The following CNTN3 variants were observed in gnomAD, a reference collection of about 807,000 sequenced individuals.
CNTN3 encodes contactin-3.
CNTN3 carries 60 observed loss-of-function variants against 119.1 expected under a neutral mutation model. The ratio of observed to expected loss-of-function variants is 0.50; its 90% CI spans 0.41 to 0.62. The LOEUF is 0.62. Ranked by LOEUF, CNTN3 falls within the 20% of genes least tolerant of loss-of-function variation. The probability of loss-of-function intolerance (pLI) is 0.00; values close to 1 mark genes in which losing one functional copy is unlikely to be tolerated. For missense variants in CNTN3, 1,101 were observed against 1,242.4 expected, an observed-to-expected ratio of 0.89 and a Z score of 1.71; for synonymous variants, 450 against 438.7, an observed-to-expected ratio of 1.03 and a Z score of -0.32.
rs1488138215 is a variant in CNTN3 at position 74,285,429 on chromosome 3, A to G, written c.2580T>C (p.Asn860=). Residue 860 remains asparagine (N), a synonymous_variant, in exon 20 of 23, where the codon AAT becomes AAC. Transcript: ENST00000263665. ...GGCCCCGTAGTCTGGCTGATGTCTCATTTCCTGCCACTTTCATCTTACTGG... is the reference window on the plus strand; with the variant it reads ...GGCCCCGTAGTCTGGCTGATGTCTCGTTTCCTGCCACTTTCATCTTACTGG... ...ESSSKMKVAG[N]ETSARLRGLK... The G allele has an allele frequency of 5.0e-6, 8 of 1,613,034 alleles. No homozygotes were observed. The African/African-American group carries it at 1.1e-4, about 22-fold the overall frequency.
chr3:74,491,581 T>A (rs1298045969), intron 3 of CNTN3, among the ~76,000 whole-genome samples: 1 of 152,156 alleles, frequency 6.6e-6, no homozygotes, highest in African/African-American at 2.4e-5. Context: ...ACAAAGTATG[T>A]GTCCAATAAA....
chr3:74,558,558 G>T (rs1704104653), intron 1 of CNTN3, among the ~76,000 whole-genome samples: 1 of 152,168 alleles, frequency 6.6e-6, no homozygotes, highest in Non-Finnish European at 1.5e-5. Flanking sequence ...CATAGAGATG[G>T]TCTGCATAGT....
chr3:74,585,869 T>C (rs1003000174), intron 1 of CNTN3, among the ~76,000 whole-genome samples: 4 of 152,286 alleles, frequency 2.6e-5, no homozygotes, highest in East Asian at 1.9e-4. Flanking sequence ...GTTTTCTTAC[T>C]GTCAAAATGA....
At chr3:74,537,422 T>G (rs1471691216) in intron 1 of CNTN3, among the ~76,000 whole-genome samples, 2 of 152,070 alleles carry the variant, frequency 1.3e-5, no homozygotes, top group Non-Finnish European at 2.9e-5. Context: ...GGCCCAGAAT[T>G]TGTATTTTTA....
chr3:74,420,730 G>C (rs1400274145), intron 5 of CNTN3, among the ~76,000 whole-genome samples: 1 of 152,206 alleles, frequency 6.6e-6, no homozygotes, highest in Admixed American at 6.5e-5. Context: ...TGCTGGTTTA[G>C]AGCATGCCAT....
intron 11 of CNTN3, among the ~76,000 whole-genome samples, chr3:74,338,959 T>G (rs979107213): frequency 6.6e-6 from 1 of 152,028 alleles, no homozygotes; most frequent in African/African-American, 2.4e-5. Context: ...TTTTGTTGAG[T>G]GTGAAATGCC....
chr3:74,479,285 G>A (rs1220818499), intron 4 of CNTN3, among the ~76,000 whole-genome samples: 26 of 151,970 alleles, frequency 1.7e-4, no homozygotes, highest in Admixed American at 1.7e-3. Context: ...AACAAATCAA[G>A]TCATTGTGGA....
intron 4 of CNTN3, among the ~76,000 whole-genome samples, chr3:74,463,925 T>C (rs1215251608): frequency 6.6e-6 from 1 of 152,126 alleles, no homozygotes; most frequent in East Asian, 1.9e-4. Flanking sequence ...TATGTATCTG[T>C]TTTTACTGTT....
intron 1 of CNTN3, among the ~76,000 whole-genome samples, chr3:74,571,408 G>A (rs1316080938): frequency 6.6e-6 from 1 of 152,128 alleles, no homozygotes; most frequent in African/African-American, 2.4e-5. Flanking sequence ...ACATGAAGGA[G>A]ATTAGCTTAG....
At chr3:74,302,904 A>T in intron 13 of CNTN3, 97 bp from the exon 14 acceptor site, 1 of 735,710 alleles carries the variant, frequency 1.4e-6, no homozygotes, top group Non-Finnish European at 2.3e-6. Context: ...TGCAATGAAA[A>T]CTATATTTAG....
chr3:74,376,487 G>A lies in CNTN3; in HGVS notation c.455-5088C>T, dbSNP rs1011390556. Reference sequence around the variant, plus strand: ...GGGATCTAGGTTGTGTGCTCCTTATGAAAATCTAATGCCTGCTGATCTGTC... The same window carrying A: ...GGGATCTAGGTTGTGTGCTCCTTATAAAAATCTAATGCCTGCTGATCTGTC... On this transcript the variant is annotated intron_variant, in intron 5 of 22. Transcript: ENST00000263665. Among the ~76,000 whole-genome samples, 7 of 152,250 alleles carry A rather than the reference G, an allele frequency of 4.6e-5. No individual in the cohort carries two copies. The South Asian group carries it at 6.2e-4, about 14-fold the overall frequency.
chr3:74,532,906 A>G (rs1174173732), intron 1 of CNTN3, among the ~76,000 whole-genome samples: 1 of 152,096 alleles, frequency 6.6e-6, no homozygotes, highest in Admixed American at 6.5e-5. Flanking sequence ...GAGTCTTCTC[A>G]GGATTAACTT....
Position 74,327,863 on chromosome 3 carries a change from C to T in CNTN3, c.1668+6872G>A, listed in dbSNP as rs1016204429. Among the ~76,000 whole-genome samples, 57 of 151,522 alleles carry T rather than the reference C, an allele frequency of 3.8e-4. 1 individual carries two copies. The highest frequency in any genetic ancestry group is 1.4e-3 in the African/African-American group (56 of 41,374). Reference sequence around the variant, plus strand: ...TTTAACTAGAATTTCATACATATGACCTGAATATGGAATCTTTTGTGTTTT... The same window carrying T: ...TTTAACTAGAATTTCATACATATGATCTGAATATGGAATCTTTTGTGTTTT... On this transcript the variant is annotated intron_variant, in intron 13 of 22. Coordinates refer to ENST00000263665, the MANE Select transcript of CNTN3 (RefSeq NM_020872.3).
chr3:74,461,553 G>T (rs1270913082), intron 4 of CNTN3, among the ~76,000 whole-genome samples: 1 of 151,886 alleles, frequency 6.6e-6, no homozygotes, highest in Non-Finnish European at 1.5e-5. Flanking sequence ...ATCTAAATTT[G>T]GATGTCCTTC....
intron 5 of CNTN3, among the ~76,000 whole-genome samples, chr3:74,374,063 G>A (rs1704409723): frequency 6.6e-6 from 1 of 152,104 alleles, no homozygotes; most frequent in Admixed American, 6.6e-5. Flanking sequence ...CTGAATGGAG[G>A]TGCTAATGCT....
intron 2 of CNTN3, among the ~76,000 whole-genome samples, chr3:74,505,502 T>TACACACACACAC (rs139877872): frequency 2.0e-5 from 3 of 146,550 alleles, no homozygotes; most frequent in Admixed American, 6.9e-5. Context: ...TGTGCATAAA[T>TACACACACACAC]ACACACACAC....
In CNTN3 at chr3:74,371,204, C is replaced by T. The variant is rs760786514; in HGVS notation, c.650G>A (p.Arg217His). The change falls in exon 6 of 23, where the codon CGT (arginine) becomes CAT (histidine). Residue 217 changes from arginine (R) to histidine (H), a missense_variant. Arg to His is a conservative substitution (Grantham distance 29). Coordinates refer to ENST00000263665, the MANE Select transcript of CNTN3 (RefSeq NM_020872.3). ...VLGSPTPLVL[R>H]SDGVMGEYEP... ...TGGAGAAGTTTCATTACCATCAGAA[C>T]GTAGCACCAAAGGAGTTGGAGAGCC... 1.7e-5 allele frequency: 27 copies of T among 1,612,354 alleles called. No individual in the cohort carries two copies. The highest frequency in any genetic ancestry group is 2.7e-5 in the African/African-American group (2 of 74,838).
At chr3:74,546,906 A>G (rs1298600887) in intron 1 of CNTN3, among the ~76,000 whole-genome samples, 1 of 152,148 alleles carries the variant, frequency 6.6e-6, no homozygotes, top group Non-Finnish European at 1.5e-5. Context: ...GCATTCAAAT[A>G]ATTTCAAGTT....
At chr3:74,353,425 AG>A (rs1215238542) in intron 11 of CNTN3, among the ~76,000 whole-genome samples, 2 of 152,220 alleles carry the variant, frequency 1.3e-5, no homozygotes, top group East Asian at 3.9e-4. Context: ...CTACTTGATC[AG>A]GGTGGAGATG....
Sources: gnomAD v4.1 joint callset for allele counts (sites outside exome capture counted in the v4.1 genomes callset) on GRCh38, gnomAD v4.1.1 for gene constraint, MANE v1.5 for transcripts, NCBI Gene and HGNC (gene_info 2026-07-23, HGNC 2026-07-21) for gene names.